The following CCDC82 variants were observed in gnomAD, a reference collection of about 807,000 sequenced individuals.
CCDC82 encodes coiled-coil domain containing 82.
Under a neutral mutation model 60.6 loss-of-function variants are expected in CCDC82, and 47 were observed. That is an observed-to-expected ratio of 0.77 (90% CI 0.61 to 0.99). The LOEUF is 0.99. Among genes scored for constraint, CCDC82 ranks in the 50% least tolerant of loss-of-function variants. The pLI is 0.00. For synonymous variants in CCDC82, 212 were observed against 207.4 expected, an observed-to-expected ratio of 1.02 and a Z score of -0.19; for missense variants, 588 against 633.0, an observed-to-expected ratio of 0.93 and a Z score of 0.76.
intron 8 of CCDC82, among the ~76,000 whole-genome samples, chr11:96,362,797 A>C (rs1043808908): frequency 6.6e-6 from 1 of 152,152 alleles, no homozygotes; most frequent in Non-Finnish European, 1.5e-5. Flanking sequence ...TTTCTTATGA[A>C]ACAAATTTGC....
intron 7 of CCDC82, among the ~76,000 whole-genome samples, chr11:96,367,820 CTTTTTTTT>C (rs777554159): frequency 8.1e-6 from 1 of 122,736 alleles, no homozygotes; most frequent in Non-Finnish European, 1.7e-5. Flanking sequence ...AAATGTATTT[CTTTTTTTT>C]TTTTTTTTTT....
chr11:96,379,197 A>AC (rs1488752376), intron 5 of CCDC82, among the ~76,000 whole-genome samples: 14 of 151,972 alleles, frequency 9.2e-5, no homozygotes, highest in African/African-American at 2.9e-4. Flanking sequence ...GAGAAAATGT[A>AC]CTTTGATTTT....
chr11:96,386,773 T>C (rs1188469132), intron 2 of CCDC82: 1 of 152,236 alleles, frequency 6.6e-6, no homozygotes, highest in Non-Finnish European at 1.5e-5. Context: ...CAGTCTGCTA[T>C]TTGAAATTAC....
At chr11:96,384,994 G>A in intron 3 of CCDC82, 1 of 332,516 alleles carries the variant, frequency 3.0e-6, no homozygotes, top group Non-Finnish European at 5.4e-6. Context: ...TGTGCTGCAA[G>A]GGATACATAG....
intron 4 of CCDC82, 121 bp downstream of exon 4, chr11:96,383,841 A>G: frequency 1.1e-6 from 1 of 914,002 alleles, no homozygotes; most frequent in Non-Finnish European, 1.6e-6. Flanking sequence ...AGAATACTTG[A>G]TTAAAAAATA....
At chr11:96,361,749 C>T (rs796228995) in intron 8 of CCDC82, among the ~76,000 whole-genome samples, 10 of 152,274 alleles carry the variant, frequency 6.6e-5, no homozygotes, top group African/African-American at 2.4e-4. Flanking sequence ...AAACAGGTAA[C>T]ATTAATCTCT....
intron 9 of CCDC82, 56 bp downstream of exon 9, chr11:96,358,937 T>C (rs938625402): frequency 1.2e-5 from 16 of 1,373,078 alleles, no homozygotes; most frequent in Non-Finnish European, 1.5e-5. Context: ...TTCCTTTTGC[T>C]GATCATAATT....
intron 5 of CCDC82, among the ~76,000 whole-genome samples, chr11:96,373,842 T>C (rs571811328): frequency 7.9e-5 from 12 of 152,322 alleles, no homozygotes; most frequent in African/African-American, 2.4e-4. Context: ...CAGATTAATA[T>C]GTCTTATTCT....
At chr11:96,377,255 T>TATGCTA (rs1242740961) in intron 5 of CCDC82, among the ~76,000 whole-genome samples, 3 of 152,160 alleles carry the variant, frequency 2.0e-5, no homozygotes, top group Non-Finnish European at 4.4e-5. Flanking sequence ...CATGAAAAGA[T>TATGCTA]ATGCTACGTC....
rs982587608 is a variant in CCDC82, at chr11:96,359,277, T to G, written c.1381-99A>C. ...GTAGAATCAAAATGCATTATTAACT[T>G]CCAGTGTTTACACAATGATTCCTTT... On this transcript the variant is annotated intron_variant, in intron 8 of 9. Transcript: ENST00000646818. 141 of 914,502 alleles carry G rather than the reference T, an allele frequency of 1.5e-4. 1 individual carries two copies. The African/African-American group carries it at 2.2e-3, about 14-fold the overall frequency. 56.6% of individuals were successfully genotyped at this position (914,502 alleles called of 1,614,324 possible).
intron 8 of CCDC82, 75 bp from the exon 9 acceptor site, chr11:96,359,253 T>C (rs1249958673): frequency 8.2e-7 from 1 of 1,212,280 alleles, no homozygotes; most frequent in South Asian, 1.7e-5. Flanking sequence ...TCTTTAGTAG[T>C]AGAATCAAAA....
chr11:96,372,699 A>AATATATATATACATATATATTTATATAT lies in CCDC82; in HGVS notation c.1084+648_1084+675dup, dbSNP rs1455181586. Reference sequence around the variant, plus strand: ...ATATAAATATAAATAAATATATAAAAATATATATATACATATATATTTATA... The same window carrying AATATATATATACATATATATTTATATAT: ...ATATAAATATAAATAAATATATAAAAATATATATATACATATATATTTATATATATATATATATACATATATATTTATA... On this transcript the variant is annotated intron_variant, in intron 6 of 9. Transcript: ENST00000646818. Among the ~76,000 whole-genome samples the AATATATATATACATATATATTTATATAT allele has an allele frequency of 6.2e-5, 9 of 145,416 alleles. No individual in the cohort carries two copies. In the South Asian group the frequency reaches 8.4e-4, roughly 14 times the overall value.
intron 5 of CCDC82, among the ~76,000 whole-genome samples, chr11:96,373,766 C>T (rs910829785): frequency 6.6e-6 from 1 of 152,130 alleles, no homozygotes; most frequent in Non-Finnish European, 1.5e-5. Context: ...TTATCCCTTG[C>T]ACACCTATAT....
At position 96,386,300 on chromosome 11, in the gene CCDC82, A is replaced by G. The variant is rs887021898; in HGVS notation, c.-54-7T>C. 1 of 152,376 alleles carries G rather than the reference A, an allele frequency of 6.6e-6. No individual in the cohort carries two copies. The highest frequency in any genetic ancestry group is 1.5e-5 in the Non-Finnish European group (1 of 68,010). The allele number at this position is 152,376 out of a possible 1,614,324, so 9.4% of individuals were successfully genotyped here. A position where few individuals can be genotyped will look rare whatever the true frequency, so the allele number is the denominator to read the frequency against. On this transcript the variant is annotated splice_polypyrimidine_tract_variant and splice_region_variant and intron_variant, in intron 2 of 9. Coordinates refer to ENST00000646818, the MANE Select transcript of CCDC82 (RefSeq NM_024725.4). ...CAAGAGGATTACTTTTTTCCTATAG[A>G]TTGTGGAAGAGAGGATACAGCTCAT...
intron 2 of CCDC82, chr11:96,387,296 G>A (rs1391382593): frequency 3.9e-5 from 6 of 152,080 alleles, no homozygotes; most frequent in Non-Finnish European, 8.8e-5. Context: ...ACTATAACAT[G>A]CCCAGAATGT....
Position 96,389,884 on chromosome 11 carries a change from G to C in CCDC82, c.-179C>G, listed in dbSNP as rs952723197. ...CACCTCTGCCTCCGCCTCCGCCCCT[G>C]CCCCGGCAACCAGCTCAGGACAAGC... On this transcript the variant is annotated 5_prime_UTR_variant, in exon 1 of 10. Coordinates refer to ENST00000646818, the MANE Select transcript of CCDC82 (RefSeq NM_024725.4). The C allele has an allele frequency of 6.5e-6, 1 of 153,328 alleles. No individual in the cohort carries two copies. The highest frequency in any genetic ancestry group is 2.1e-4 in the South Asian group (1 of 4,848). The allele number at this position is 153,328 out of a possible 1,614,324, so 9.5% of individuals were successfully genotyped here. A position where few individuals can be genotyped will look rare whatever the true frequency, so the allele number is the denominator to read the frequency against.
At position 96,384,656 on chromosome 11, in the gene CCDC82, C is replaced by T; in HGVS notation, c.92G>A (p.Arg31Lys). The T allele has an allele frequency of 6.2e-7, 1 of 1,613,494 alleles. No individual in the cohort carries two copies. Among genetic ancestry groups the T allele is most frequent in the Admixed American group, 1.7e-5 (1 of 59,956 alleles). The change falls in exon 4 of 10, where the codon AGA (arginine) becomes AAA (lysine). Residue 31 changes from arginine (R) to lysine (K), a missense_variant. Physicochemically the swap from Arg to Lys is conservative, Grantham distance 26. Transcript: ENST00000646818. The stretch of plus-strand genomic sequence containing the variant: ...ATCAAGTAATTGTGAGATACTACTT[C>T]TTTTAGTTCGCCTCCAATCAACTCG... ...KSRVDWRRTK[R>K]SSISQLLDSD...
In CCDC82 at chr11:96,384,558, C is replaced by T; in HGVS notation, c.190G>A (p.Asp64Asn). The T allele has an allele frequency of 6.2e-7, 1 of 1,613,668 alleles. No individual in the cohort carries two copies. The highest frequency in any genetic ancestry group is 8.5e-7 in the Non-Finnish European group (1 of 1,179,750). ...ELDSDESFEN[D>N]EELDSNKGPD... ...CCCTTGTTACTATCAAGCTCTTCAT[C>T]ATTTTCAAAACTTTCATCACTATCA... Residue 64 changes from aspartate to asparagine, a missense_variant, in exon 4 of 10, where the codon GAT becomes AAT. Asp to Asn is a conservative substitution (Grantham distance 23). Transcript: ENST00000646818.
At position 96,371,200 on chromosome 11, in the gene CCDC82, A is replaced by G. The variant is rs951214429; in HGVS notation, c.1085-63T>C. 32 of 1,127,592 alleles carry G rather than the reference A, an allele frequency of 2.8e-5. 1 individual carries two copies. The highest frequency in any genetic ancestry group is 1.1e-5 in the Non-Finnish European group (9 of 847,326). 69.8% of individuals were successfully genotyped at this position (1,127,592 alleles called of 1,614,324 possible). Reference sequence around the variant, plus strand: ...TAATTAGAAATATTTAAACTATTTAATACTTAAAAATTTCTTCCCAACTTG... The same window carrying G: ...TAATTAGAAATATTTAAACTATTTAGTACTTAAAAATTTCTTCCCAACTTG... On this transcript the variant is annotated intron_variant, in intron 6 of 9. Coordinates refer to ENST00000646818, the MANE Select transcript of CCDC82 (RefSeq NM_024725.4).
Sources: allele counts gnomAD v4.1 joint callset (sites outside exome capture counted in the v4.1 genomes callset), GRCh38; gene constraint gnomAD v4.1.1; transcripts MANE v1.5; gene names NCBI Gene and HGNC (gene_info 2026-07-23, HGNC 2026-07-21).